The following IFFO2 variants were observed in gnomAD, a reference collection of about 807,000 sequenced individuals.
The protein encoded by IFFO2 is intermediate filament family orphan 2.
A neutral mutation model predicts 53.5 loss-of-function variants in IFFO2; 19 were observed. That is an observed-to-expected ratio of 0.36 (90% CI 0.25 to 0.52). The LOEUF is 0.52. Ranked by LOEUF, IFFO2 falls within the 20% of genes least tolerant of loss-of-function variation. The pLI is 0.94. For missense variants in IFFO2, 570 were observed against 727.4 expected (o/e 0.78, Z 2.49); for synonymous variants, 303 against 313.6 (o/e 0.97, Z 0.36).
chr1:18,955,873 A>T lies in IFFO2; in HGVS notation c.460T>A (p.Tyr154Asn), dbSNP rs767300716. 1.8e-5 allele frequency: 25 copies of T among 1,399,372 alleles called. No individual in the cohort carries two copies. In the South Asian group the frequency reaches 3.8e-4, roughly 21 times the overall value. 86.7% of individuals were successfully genotyped at this position (1,399,372 alleles called of 1,614,324 possible). A position where few individuals can be genotyped will look rare whatever the true frequency, so the allele number is the denominator to read the frequency against. The change falls in exon 1 of 9, where the codon TAC becomes AAC. Residue 154 changes from tyrosine to asparagine, a missense_variant. Transcript: ENST00000455833. ...CAGATGGTCCCGGGCAGGCGGCCGT[A>T]GTGCTGCGGGTGCGAGCCGCCGCCG... ...PPGGGSHPQHYGRLPGTIWSY... is the reference protein window; with the variant it reads ...PPGGGSHPQHNGRLPGTIWSY...
chr1:18,914,940 AC>A (rs1936109673), intron 5 of IFFO2, among the ~76,000 whole-genome samples: 1 of 151,826 alleles, frequency 6.6e-6, no homozygotes, highest in South Asian at 2.1e-4. Flanking sequence ...TAAATAGCAA[AC>A]CCCCAAAATA....
chr1:18,909,496 A>G (rs1187661853), intron 8 of IFFO2, among the ~76,000 whole-genome samples: 1 of 152,066 alleles, frequency 6.6e-6, no homozygotes, highest in Non-Finnish European at 1.5e-5. Context: ...AGCTCCCATA[A>G]TCCCCACGTG....
chr1:18,925,643 C>T (rs1936272813), intron 1 of IFFO2, among the ~76,000 whole-genome samples: 1 of 152,248 alleles, frequency 6.6e-6, no homozygotes, highest in Non-Finnish European at 1.5e-5. Flanking sequence ...TCCAGTCCTT[C>T]TGCAGGCCCA....
intron 1 of IFFO2, among the ~76,000 whole-genome samples, chr1:18,923,117 T>C (rs1397849747): frequency 6.6e-6 from 1 of 152,230 alleles, no homozygotes; most frequent in Non-Finnish European, 1.5e-5. Context: ...GGCAAGCCTC[T>C]GGCTGCAGCC....
intron 1 of IFFO2, among the ~76,000 whole-genome samples, chr1:18,954,326 T>C (rs1039628389): frequency 1.3e-5 from 2 of 152,258 alleles, no homozygotes; most frequent in South Asian, 2.1e-4. Flanking sequence ...TGTGGGCAGA[T>C]TTTATTATTC....
At chr1:18,949,686 C>T (rs1936634185) in intron 1 of IFFO2, among the ~76,000 whole-genome samples, 1 of 152,260 alleles carries the variant, frequency 6.6e-6, no homozygotes, top group Admixed American at 6.5e-5. Context: ...TCCGGGTCTA[C>T]CCTTCTGTGT....
chr1:18,951,760 G>A (rs533938026), intron 1 of IFFO2, among the ~76,000 whole-genome samples: 12 of 152,356 alleles, frequency 7.9e-5, no homozygotes, highest in African/African-American at 2.4e-4. Context: ...TAAGCCTGGG[G>A]ATGGGATGGC....
At chr1:18,908,789 C>G (rs1161820409) in intron 8 of IFFO2, 123 bp from the exon 9 acceptor site, 2 of 699,332 alleles carry the variant, frequency 2.9e-6, no homozygotes, top group Admixed American at 4.4e-5. Flanking sequence ...TGGTCCTGAG[C>G]TCCTGCCTCA....
chr1:18,908,796 C>G, intron 8 of IFFO2, 130 bp from the exon 9 acceptor site: 1 of 673,438 alleles, frequency 1.5e-6, no homozygotes. Context: ...GAGCTCCTGC[C>G]TCACTCAGCT....
chr1:18,942,865 G>T (rs6683405), intron 1 of IFFO2, among the ~76,000 whole-genome samples: 28,290 of 143,510 alleles, frequency 0.2, 3,439 homozygotes, highest in Admixed American at 0.4. Context: ...TTGAGATGGA[G>T]TCTCATTCTG....
At position 18,956,631 on chromosome 1, in the gene IFFO2, T is replaced by G. The variant is rs1032112887; in HGVS notation, c.-299A>C. 1 of 152,722 alleles carries G rather than the reference T, an allele frequency of 6.5e-6. No individual in the cohort carries two copies. The highest frequency in any genetic ancestry group is 1.9e-4 in the East Asian group (1 of 5,198). 9.5% of individuals were successfully genotyped at this position (152,722 alleles called of 1,614,324 possible). ...ACCGCCCGGGCTGTCAGAGACGCTG[T>G]GGAGGGGCCGCGGCAGCCGCACGCA... On this transcript the variant is annotated 5_prime_UTR_variant, in exon 1 of 9. Coordinates refer to ENST00000455833, the MANE Select transcript of IFFO2 (RefSeq NM_001136265.2). The surrounding 1 kb of genome is among the most constrained non-coding windows in gnomAD (Gnocchi z 6.4).
At position 18,956,119 on chromosome 1, in the gene IFFO2, G is replaced by T; in HGVS notation, c.214C>A (p.His72Asn). ...VRFRCFLAKV[H>N]ELERRNRLLE... Reference sequence around the variant, plus strand: ...AGCCGGTTGCGCCGCTCCAGCTCGTGCACCTTAGCCAGGAAGCAGCGGAAG... The same window carrying T: ...AGCCGGTTGCGCCGCTCCAGCTCGTTCACCTTAGCCAGGAAGCAGCGGAAG... Residue 72 changes from histidine to asparagine, a missense_variant, in exon 1 of 9, where the codon CAC becomes AAC. By Grantham distance (68) the His-to-Asn change is moderately conservative. Transcript: ENST00000455833. The surrounding 1 kb of genome is among the most constrained non-coding windows in gnomAD (Gnocchi z 6.4). 6.6e-7 allele frequency: 1 copy of T among 1,508,956 alleles called. No individual in the cohort carries two copies. Among genetic ancestry groups the T allele is most frequent in the South Asian group, 1.2e-5 (1 of 82,456 alleles). 93.5% of individuals were successfully genotyped at this position (1,508,956 alleles called of 1,614,324 possible). A position where few individuals can be genotyped will look rare whatever the true frequency, so the allele number is the denominator to read the frequency against.
chr1:18,915,803 C>T (rs1263779946), intron 5 of IFFO2, among the ~76,000 whole-genome samples: 2 of 152,196 alleles, frequency 1.3e-5, no homozygotes, highest in African/African-American at 4.8e-5. Flanking sequence ...GAAACTAGTG[C>T]AGGTGGGTCT....
intron 5 of IFFO2, among the ~76,000 whole-genome samples, chr1:18,914,281 C>A (rs1936098443): frequency 6.6e-6 from 1 of 152,200 alleles, no homozygotes; most frequent in African/African-American, 2.4e-5. Context: ...GGAGCCTTTG[C>A]CCATGGGGCC....
At chr1:18,955,623 C>G in intron 1 of IFFO2, 45 bp downstream of exon 1, 1 of 1,522,634 alleles carries the variant, frequency 6.6e-7, no homozygotes. Context: ...CAGCCTGGAC[C>G]TGGGCGCCCC....
intron 1 of IFFO2, among the ~76,000 whole-genome samples, chr1:18,933,197 C>G (rs1473942775): frequency 6.6e-6 from 1 of 152,242 alleles, no homozygotes; most frequent in Non-Finnish European, 1.5e-5. Flanking sequence ...GATCCTCAAT[C>G]CCTTCAACCC....
intron 1 of IFFO2, among the ~76,000 whole-genome samples, chr1:18,922,551 G>C (rs967777548): frequency 6.6e-6 from 1 of 151,388 alleles, no homozygotes; most frequent in Non-Finnish European, 1.5e-5. Context: ...GCCCAGCCAG[G>C]GCTCCTGGAG....
At position 18,912,088 on chromosome 1, in the gene IFFO2, G is replaced by A. The variant is rs1207553445; in HGVS notation, c.1104-5C>T. 1.3e-6 allele frequency: 2 copies of A among 1,551,464 alleles called. No homozygotes were observed. Among genetic ancestry groups the A allele is most frequent in the South Asian group, 1.2e-5 (1 of 84,046 alleles). ...TCAAAGTCAAAGGTCTCCCGCCTGT[G>A]GGGGTGACACCAGAGGGCATGACTG... On this transcript the variant is annotated splice_polypyrimidine_tract_variant and splice_region_variant and intron_variant, in intron 5 of 8. Coordinates refer to ENST00000455833, the MANE Select transcript of IFFO2 (RefSeq NM_001136265.2).
rs771640662 is a variant in IFFO2, at chr1:18,956,209, C to T, written c.124G>A (p.Val42Met). The change falls in exon 1 of 9, where the codon GTG becomes ATG. Residue 42 changes from valine to methionine, a missense_variant. Physicochemically the swap from Val to Met is conservative, Grantham distance 21. Transcript: ENST00000455833. This position sits in a 1 kb window ranked among gnomAD's most constrained non-coding sequence, Gnocchi z 6.4. Reference sequence around the variant, plus strand: ...AGGTCGTCCCGCAGCGCCGCCGTCACCGGCGACGGACCCGGCCCTGCCCCG... The same window carrying T: ...AGGTCGTCCCGCAGCGCCGCCGTCATCGGCGACGGACCCGGCCCTGCCCCG... ...GGGAGPGPSPVTAALRDDLGS... is the reference protein window; with the variant it reads ...GGGAGPGPSPMTAALRDDLGS... 11 of 1,415,402 alleles carry T rather than the reference C, an allele frequency of 7.8e-6. No individual in the cohort carries two copies. The South Asian group carries it at 1.4e-4, about 18-fold the overall frequency. 87.7% of individuals were successfully genotyped at this position (1,415,402 alleles called of 1,614,324 possible). A position where few individuals can be genotyped will look rare whatever the true frequency, so the allele number is the denominator to read the frequency against.
Sources: allele counts gnomAD v4.1 joint callset (sites outside exome capture counted in the v4.1 genomes callset), GRCh38; gene constraint gnomAD v4.1.1; non-coding constraint Gnocchi (gnomAD v3.1); transcripts MANE v1.5; gene names NCBI Gene and HGNC (gene_info 2026-07-23, HGNC 2026-07-21).